The following CD72 variants were observed in gnomAD, a reference collection of about 807,000 sequenced individuals.
The protein encoded by CD72 is CD72 molecule, also known as B-cell differentiation antigen CD72.
A neutral mutation model predicts 50.7 loss-of-function variants in CD72; 28 were observed. The ratio of observed to expected loss-of-function variants is 0.55; its 90% CI spans 0.41 to 0.76. CD72 has a LOEUF of 0.76. CD72 is among the 30% of genes least tolerant of loss of function. The pLI is 0.00. For missense variants in CD72, 403 were observed against 420.6 expected, an observed-to-expected ratio of 0.96 and a Z score of 0.37; for synonymous variants, 176 against 171.2, an observed-to-expected ratio of 1.03 and a Z score of -0.22.
At chr9:35,641,463 T>C (rs1346606405) in intron 1 of CD72, among the ~76,000 whole-genome samples, 3 of 152,134 alleles carry the variant, frequency 2.0e-5, no homozygotes, top group Non-Finnish European at 4.4e-5. Flanking sequence ...GTCCAGTAAA[T>C]AATAATTTGG....
chr9:35,643,768 A>T (rs1823360580), intron 1 of CD72, among the ~76,000 whole-genome samples: 1 of 152,182 alleles, frequency 6.6e-6, no homozygotes, highest in Non-Finnish European at 1.5e-5. Flanking sequence ...ACCTGAGGTC[A>T]GGCATTCAAA....
chr9:35,615,944 T>TCA lies in CD72; in HGVS notation c.686_687insTG (p.Asp230GlufsTer10). ...CTCTCCTCTCCCCAGAGCGGATACC[T>TCA]GCTGAGCCGCATGTGAAGAAGGGCT... On this transcript the variant is annotated frameshift_variant and splice_region_variant, in exon 5 of 9. Coordinates refer to ENST00000259633, the MANE Select transcript of CD72 (RefSeq NM_001782.3). LOFTEE classifies it high-confidence loss of function. 6.2e-7 allele frequency: 1 copy of TCA among 1,612,166 alleles called. No homozygotes were observed. The highest frequency in any genetic ancestry group is 8.5e-7 in the Non-Finnish European group (1 of 1,178,978).
intron 5 of CD72, among the ~76,000 whole-genome samples, chr9:35,613,583 C>T (rs1012183013): frequency 2.0e-5 from 3 of 152,174 alleles, no homozygotes; most frequent in Admixed American, 6.5e-5. Flanking sequence ...TTTGTTCCAT[C>T]AGTCCTACCT....
At chr9:35,637,695 G>A (rs571747715) in intron 1 of CD72, among the ~76,000 whole-genome samples, 5 of 152,166 alleles carry the variant, frequency 3.3e-5, no homozygotes, top group South Asian at 2.1e-4. Context: ...TAATCACTGC[G>A]GGGATGCCTG....
chr9:35,643,067 T>C (rs1587910490), intron 1 of CD72: 1 of 152,124 alleles, frequency 6.6e-6, no homozygotes, highest in South Asian at 2.1e-4. Flanking sequence ...CTTCAGAACA[T>C]CCAAGCCACA....
At chr9:35,620,553 C>T (rs774680417), upstream of CD72, among the ~76,000 whole-genome samples, 15 of 151,828 alleles carry the variant, frequency 9.9e-5, no homozygotes, top group Non-Finnish European at 1.5e-4. Flanking sequence ...ATCTCCTGGC[C>T]GGCATGGTGG....
chr9:35,624,262 T>A (rs573696386), upstream of CD72, among the ~76,000 whole-genome samples: 39 of 138,682 alleles, frequency 2.8e-4, no homozygotes, highest in Non-Finnish European at 4.2e-4. Context: ...ATAATAATAA[T>A]AAATTTAATT....
intron 1 of CD72, among the ~76,000 whole-genome samples, chr9:35,625,480 G>A (rs1341282650): frequency 6.6e-6 from 1 of 152,234 alleles, no homozygotes; most frequent in African/African-American, 2.4e-5. Flanking sequence ...TAACATAAAA[G>A]TGCAAGGTGA....
At chr9:35,642,008 G>C (rs888749988) in intron 1 of CD72, among the ~76,000 whole-genome samples, 1 of 152,166 alleles carries the variant, frequency 6.6e-6, no homozygotes, top group Admixed American at 6.5e-5. Flanking sequence ...TCCCGAGTGA[G>C]GGCTATTAGT....
At chr9:35,635,194 T>C (rs1451541493) in intron 1 of CD72, among the ~76,000 whole-genome samples, 1 of 152,166 alleles carries the variant, frequency 6.6e-6, no homozygotes, top group East Asian at 1.9e-4. Flanking sequence ...TGCCTATATG[T>C]AGCTGAGTGT....
chr9:35,613,340 C>T (rs1343879687), intron 5 of CD72, among the ~76,000 whole-genome samples: 1 of 152,080 alleles, frequency 6.6e-6, no homozygotes, highest in Non-Finnish European at 1.5e-5. Flanking sequence ...ACTGCACATC[C>T]TCCACTCCTC....
intron 1 of CD72, among the ~76,000 whole-genome samples, chr9:35,626,792 TAC>T (rs1414919460): frequency 2.0e-5 from 3 of 152,176 alleles, no homozygotes; most frequent in Non-Finnish European, 2.9e-5. Context: ...ATTAAGGTAT[TAC>T]ATTGTTTTTT....
intron 1 of CD72, among the ~76,000 whole-genome samples, chr9:35,633,087 T>C (rs1683324782): frequency 1.3e-5 from 2 of 150,986 alleles, no homozygotes; most frequent in South Asian, 2.1e-4. Context: ...TACACCACCA[T>C]GCCTGGCTAA....
intron 1 of CD72, among the ~76,000 whole-genome samples, chr9:35,633,962 T>G (rs1823268476): frequency 6.6e-6 from 1 of 152,226 alleles, no homozygotes; most frequent in Non-Finnish European, 1.5e-5. Context: ...ATTTTAAAAC[T>G]TTATCACTTT....
chr9:35,636,869 C>A (rs142743549), intron 1 of CD72, among the ~76,000 whole-genome samples: 1 of 152,172 alleles, frequency 6.6e-6, no homozygotes, highest in Non-Finnish European at 1.5e-5. Context: ...GTGACCTGCA[C>A]GGATACATCC....
chr9:35,639,342 A>G (rs1345931524), intron 1 of CD72, among the ~76,000 whole-genome samples: 1 of 152,242 alleles, frequency 6.6e-6, no homozygotes, highest in Admixed American at 6.5e-5. Flanking sequence ...AAGAAAGCAC[A>G]TTGTTATTTG....
chr9:35,616,530 T>A, intron 4 of CD72, 70 bp downstream of exon 4: 1 of 1,269,334 alleles, frequency 7.9e-7, no homozygotes, highest in Non-Finnish European at 1.2e-6. Flanking sequence ...CTGAGGAAGA[T>A]CAGCTTTGGG....
intron 1 of CD72, among the ~76,000 whole-genome samples, chr9:35,641,900 C>T (rs1045867225): frequency 6.6e-6 from 1 of 152,150 alleles, no homozygotes; most frequent in Admixed American, 6.5e-5. Flanking sequence ...GTTAGGAATT[C>T]CCTTTCTCTC....
chr9:35,631,679 G>T (rs1279947347), intron 1 of CD72, among the ~76,000 whole-genome samples: 1 of 152,170 alleles, frequency 6.6e-6, no homozygotes, highest in Non-Finnish European at 1.5e-5. Flanking sequence ...GGATCACGAC[G>T]TCAGCAGATC....
Sources: gnomAD v4.1 joint callset for allele counts (sites outside exome capture counted in the v4.1 genomes callset) on GRCh38, gnomAD v4.1.1 for gene constraint, MANE v1.5 for transcripts, NCBI Gene and HGNC (gene_info 2026-07-23, HGNC 2026-07-21) for gene names.